USP24: variants seen among roughly 807,000 people sequenced by gnomAD.
USP24 encodes the protein ubiquitin specific peptidase 24, also known as ubiquitin carboxyl-terminal hydrolase 24.
Under a neutral mutation model 361.6 loss-of-function variants are expected in USP24, and 97 were observed. That is an observed-to-expected ratio of 0.27 (90% CI 0.23 to 0.32). The LOEUF is 0.32. USP24 is among the 10% of genes least tolerant of loss of function. The pLI is 1.00. For missense variants in USP24, 2,353 were observed against 3,165.6 expected (o/e 0.74, Z 6.16); for synonymous variants, 1,098 against 1,124.6 (o/e 0.98, Z 0.47).
chr1:55,132,733 A>G, intron 30 of USP24, 33 bp from the exon 31 acceptor site: 1 of 1,578,582 alleles, frequency 6.3e-7, no homozygotes, highest in Non-Finnish European at 8.6e-7. Context: ...GACATAAACT[A>G]CTTAAAAGGA....
chr1:55,118,953 C>T (rs1392035859), intron 38 of USP24, among the ~76,000 whole-genome samples: 1 of 152,202 alleles, frequency 6.6e-6, no homozygotes, highest in Non-Finnish European at 1.5e-5. Context: ...AAATGAGAAT[C>T]CTTGTACATT....
In USP24 at chr1:55,171,547, GATGT is replaced by G; in HGVS notation, c.825+5_825+8del. The G allele has an allele frequency of 6.2e-7, 1 of 1,602,346 alleles. No homozygotes were observed. Among genetic ancestry groups the G allele is most frequent in the Non-Finnish European group, 8.5e-7 (1 of 1,174,406 alleles). On this transcript the variant is annotated splice_donor_5th_base_variant and intron_variant, in intron 5 of 67. Coordinates refer to ENST00000294383, the MANE Select transcript of USP24 (RefSeq NM_015306.3). ...TTTCTATAAAAAGATGAAACTAAAT[GATGT>G]TTACCTTTTGGAAAGTCGATACAGG...
At position 55,208,669 on chromosome 1, in the gene USP24, G is replaced by A. The variant is rs983683350; in HGVS notation, c.324+6121C>T. Among the ~76,000 whole-genome samples, 4 of 151,092 alleles carry A rather than the reference G, an allele frequency of 2.6e-5. No homozygotes were observed. The East Asian group carries it at 5.8e-4, about 22-fold the overall frequency. On this transcript the variant is annotated intron_variant, in intron 1 of 67. Transcript: ENST00000294383. Reference sequence around the variant, plus strand: ...AACAAAAAACAGCGCTGGGCACGGTGGTTCACGGCTGTAATCCCAGCACTC... The same window carrying A: ...AACAAAAAACAGCGCTGGGCACGGTAGTTCACGGCTGTAATCCCAGCACTC...
chr1:55,115,180 G>A (rs1646070420), intron 38 of USP24, among the ~76,000 whole-genome samples: 1 of 152,110 alleles, frequency 6.6e-6, no homozygotes, highest in Admixed American at 6.6e-5. Flanking sequence ...AAACCGCAAT[G>A]AGATACCATC....
chr1:55,190,164 CAA>C (rs397696116), intron 1 of USP24, among the ~76,000 whole-genome samples: 4 of 78,738 alleles, frequency 5.1e-5, no homozygotes, highest in African/African-American at 2.2e-4. Context: ...GACTCCATCT[CAA>C]AAAAAAAAAA....
intron 62 of USP24, 24 bp from the exon 63 acceptor site, chr1:55,075,547 T>C: frequency 6.4e-7 from 1 of 1,565,482 alleles, no homozygotes; most frequent in Non-Finnish European, 8.7e-7. Context: ...AAACAAAAAT[T>C]AGTAAATAAA....
chr1:55,212,190 C>T (rs1018118188), intron 1 of USP24, among the ~76,000 whole-genome samples: 3 of 152,204 alleles, frequency 2.0e-5, no homozygotes, highest in Non-Finnish European at 4.4e-5. Flanking sequence ...CTAAAGTATG[C>T]TTCTTTTTAA....
chr1:55,080,821 T>C (rs918136948), intron 59 of USP24, among the ~76,000 whole-genome samples: 1 of 152,244 alleles, frequency 6.6e-6, no homozygotes, highest in Non-Finnish European at 1.5e-5. Flanking sequence ...TGCTACCAAC[T>C]GTATCTTACA....
chr1:55,178,710 A>C, intron 1 of USP24, among the ~76,000 whole-genome samples: 1 of 131,800 alleles, frequency 7.6e-6, no homozygotes, highest in East Asian at 2.1e-4. Context: ...TAAATAAATA[A>C]ATAAATAAAT....
chr1:55,189,802 CAG>C (rs1352583480), intron 1 of USP24, among the ~76,000 whole-genome samples: 1 of 151,618 alleles, frequency 6.6e-6, no homozygotes, highest in African/African-American at 2.4e-5. Flanking sequence ...CTGCAAAACA[CAG>C]AGTTGTACCT....
At position 55,147,696 on chromosome 1, in the gene USP24, C is replaced by T; in HGVS notation, c.2071G>A (p.Gly691Ser). Reference sequence around the variant, plus strand: ...TCCACTAGTGTCGAGCCACTTAAGCCTCCAGGCCCGGCCACAGCAGCTGCA... The same window carrying T: ...TCCACTAGTGTCGAGCCACTTAAGCTTCCAGGCCCGGCCACAGCAGCTGCA... ...RLAAAVAGPG[G>S]LSGSTLVDGR... Residue 691 changes from glycine to serine, a missense_variant, in exon 18 of 68, where the codon GGC (glycine) becomes AGC (serine). Gly to Ser is a moderately conservative substitution (Grantham distance 56, BLOSUM62 0). Transcript: ENST00000294383. 6.2e-7 allele frequency: 1 copy of T among 1,611,440 alleles called. No homozygotes were observed. The highest frequency in any genetic ancestry group is 2.2e-5 in the East Asian group (1 of 44,634).
chr1:55,075,610 ATTAAT>A (rs1645008352), intron 62 of USP24, 87 bp from the exon 63 acceptor site: 1 of 851,752 alleles, frequency 1.2e-6, no homozygotes. Flanking sequence ...TACCCAAGAG[ATTAAT>A]TTAGTGTTTG....
chr1:55,169,659 A>C (rs1389971369), intron 5 of USP24, among the ~76,000 whole-genome samples: 1 of 152,224 alleles, frequency 6.6e-6, no homozygotes, highest in Non-Finnish European at 1.5e-5. Flanking sequence ...GCCACAAGAC[A>C]GTGAAATGGT....
chr1:55,118,206 C>A (rs1646176152), intron 38 of USP24, among the ~76,000 whole-genome samples: 1 of 152,160 alleles, frequency 6.6e-6, no homozygotes, highest in Admixed American at 6.5e-5. Context: ...ACTCATACTT[C>A]CTGATTTTAA....
At chr1:55,138,787 T>C in intron 25 of USP24, 69 bp from the exon 26 acceptor site, 2 of 1,319,662 alleles carry the variant, frequency 1.5e-6, no homozygotes, top group East Asian at 2.4e-5. Flanking sequence ...TACATATCTA[T>C]GTATATATGA....
chr1:55,198,380 G>T (rs1644474695), intron 1 of USP24, among the ~76,000 whole-genome samples: 1 of 152,140 alleles, frequency 6.6e-6, no homozygotes, highest in South Asian at 2.1e-4. Flanking sequence ...AGAATGAAAG[G>T]GAAAGAGAAC....
chr1:55,190,164 C>CAAAAA (rs397696116), intron 1 of USP24, among the ~76,000 whole-genome samples: 182 of 75,678 alleles, frequency 2.4e-3, no homozygotes, highest in East Asian at 4.2e-3. Context: ...GACTCCATCT[C>CAAAAA]AAAAAAAAAA....
At chr1:55,182,824 C>T (rs929883368) in intron 1 of USP24, among the ~76,000 whole-genome samples, 1 of 152,144 alleles carries the variant, frequency 6.6e-6, no homozygotes, top group African/African-American at 2.4e-5. Flanking sequence ...AAGCAATTCT[C>T]ATGCCTCACC....
rs2100533899 is a variant in USP24, at chr1:55,107,235, T to C, written c.4762+4A>G. On this transcript the variant is annotated splice_donor_region_variant and intron_variant, in intron 40 of 67. Transcript: ENST00000294383. ...GCCATGTGATAAGATGGAGCAATAA[T>C]TACCAAGCATTTCCTTTTCTGCCCC... The C allele has an allele frequency of 6.2e-7, 1 of 1,608,962 alleles. No homozygotes were observed. The highest frequency in any genetic ancestry group is 8.5e-7 in the Non-Finnish European group (1 of 1,177,590).
Sources: gnomAD v4.1 joint callset for allele counts (sites outside exome capture counted in the v4.1 genomes callset) on GRCh38, gnomAD v4.1.1 for gene constraint, MANE v1.5 for transcripts, NCBI Gene and HGNC (gene_info 2026-07-23, HGNC 2026-07-21) for gene names.